CDC40: variants seen among roughly 807,000 people sequenced by gnomAD.
CDC40 encodes the protein pre-mRNA-processing factor 17.
CDC40 carries 27 observed loss-of-function variants against 80.6 expected under a neutral mutation model. The ratio of observed to expected loss-of-function variants is 0.33; its 90% CI spans 0.25 to 0.46. The LOEUF (loss-of-function observed/expected upper bound fraction) is 0.46, where lower values mean the gene tolerates loss of function less well. Ranked by LOEUF, CDC40 falls within the 20% of genes least tolerant of loss-of-function variation. The pLI is 1.00. For synonymous variants in CDC40, 221 were observed against 232.6 expected (o/e 0.95, Z 0.45); for missense variants, 486 against 694.1 (o/e 0.70, Z 3.37).
At chr6:110,202,770 A>G (rs941072987) in intron 3 of CDC40, among the ~76,000 whole-genome samples, 2 of 152,286 alleles carry the variant, frequency 1.3e-5, no homozygotes, top group South Asian at 2.1e-4. Flanking sequence ...AGGTTGAACT[A>G]TTGAGTTAAA....
intron 12 of CDC40, among the ~76,000 whole-genome samples, chr6:110,221,098 T>C (rs965478314): frequency 1.3e-5 from 2 of 152,232 alleles, no homozygotes; most frequent in African/African-American, 4.8e-5. Context: ...TATACTAGTT[T>C]CATTACATAT....
intron 5 of CDC40, 71 bp from the exon 6 acceptor site, chr6:110,210,636 T>C (rs1440040917): frequency 1.5e-6 from 1 of 686,908 alleles, no homozygotes; most frequent in East Asian, 3.5e-5. Flanking sequence ...TTATAAAGAA[T>C]TTATAACCAA....
At chr6:110,217,850 A>G (rs1007505283) in intron 10 of CDC40, 47 bp downstream of exon 10, 2 of 969,390 alleles carry the variant, frequency 2.1e-6, no homozygotes, top group East Asian at 2.4e-5. Flanking sequence ...CAAGTTATTT[A>G]TATTTGAAAT....
intron 2 of CDC40, among the ~76,000 whole-genome samples, chr6:110,197,685 C>T (rs910822795): frequency 7.3e-6 from 1 of 137,680 alleles, no homozygotes; most frequent in Non-Finnish European, 1.5e-5. Context: ...TCATGTGATA[C>T]TTGTCCCAGC....
chr6:110,227,901 T>TA (rs1777887028), intron 13 of CDC40, among the ~76,000 whole-genome samples: 2 of 152,200 alleles, frequency 1.3e-5, no homozygotes, highest in African/African-American at 4.8e-5. Flanking sequence ...TCCCAACAGA[T>TA]ACCAAGGGAT....
chr6:110,187,686 A>G (rs1300963510), intron 1 of CDC40, among the ~76,000 whole-genome samples: 2 of 152,212 alleles, frequency 1.3e-5, no homozygotes, highest in Non-Finnish European at 2.9e-5. Flanking sequence ...TGGTGTTTTT[A>G]TGTCTCTTTT....
Position 110,191,903 on chromosome 6 carries a change from A to G in CDC40, c.190-1279A>G, listed in dbSNP as rs9481043. ...TGTAGATGATATATAATTTCTTTACAATTTTTAAAATAGAACATGAGTGCA... is the reference window on the plus strand; with the variant it reads ...TGTAGATGATATATAATTTCTTTACGATTTTTAAAATAGAACATGAGTGCA... On this transcript the variant is annotated intron_variant, in intron 1 of 14. Coordinates refer to ENST00000307731, the MANE Select transcript of CDC40 (RefSeq NM_015891.3). Among the ~76,000 whole-genome samples the G allele has an allele frequency of 2.2e-3, 334 of 152,326 alleles. 2 individuals carry two copies. Among genetic ancestry groups the G allele is most frequent in the African/African-American group, 7.7e-3 (319 of 41,560 alleles).
chr6:110,201,515 G>T lies in CDC40; in HGVS notation c.277-43G>T, dbSNP rs1449655324. ...ACTTCCATATACTCAGAACTTTTGTGTCTTTCTTATTTTATTTTATTTTTT... is the reference window on the plus strand; with the variant it reads ...ACTTCCATATACTCAGAACTTTTGTTTCTTTCTTATTTTATTTTATTTTTT... On this transcript the variant is annotated intron_variant, in intron 2 of 14. Transcript: ENST00000307731. 9.5e-6 allele frequency: 14 copies of T among 1,474,264 alleles called. No individual in the cohort carries two copies. The Admixed American group carries it at 2.9e-4, about 31-fold the overall frequency. 91.3% of individuals were successfully genotyped at this position (1,474,264 alleles called of 1,614,324 possible).
At chr6:110,227,914 CTATA>C (rs1012994180) in intron 13 of CDC40, among the ~76,000 whole-genome samples, 2 of 152,110 alleles carry the variant, frequency 1.3e-5, no homozygotes, top group African/African-American at 4.8e-5. Flanking sequence ...CAAGGGATGA[CTATA>C]TATAGGATGC....
intron 12 of CDC40, among the ~76,000 whole-genome samples, chr6:110,223,638 C>T (rs1297261821): frequency 6.6e-6 from 1 of 152,122 alleles, no homozygotes; most frequent in African/African-American, 2.4e-5. Context: ...CTGGGGCCTT[C>T]AGACAAGTGG....
intron 4 of CDC40, among the ~76,000 whole-genome samples, chr6:110,208,776 A>T (rs571873550): frequency 6.6e-6 from 1 of 152,312 alleles, no homozygotes; most frequent in South Asian, 2.1e-4. Flanking sequence ...ATTCAATAAA[A>T]GGCTTGTGCG....
chr6:110,228,936 G>A lies in CDC40; in HGVS notation c.1522G>A (p.Ala508Thr). The A allele has an allele frequency of 6.2e-7, 1 of 1,607,802 alleles. No individual in the cohort carries two copies. The highest frequency in any genetic ancestry group is 1.1e-5 in the South Asian group (1 of 89,180). ...KKKIFKGHMV[A>T]GYACQVDFSP... ...AAAAATTTTTAAGGGCCATATGGTA[G>A]CAGGCTATGCTTGTCAGGTGGACTT... The change falls in exon 14 of 15, where the codon GCA becomes ACA. Residue 508 changes from alanine to threonine, a missense_variant. Physicochemically the swap from Ala to Thr is moderately conservative, Grantham distance 58. Transcript: ENST00000307731.
chr6:110,210,862 G>A (rs997068139), intron 6 of CDC40, 59 bp downstream of exon 6: 14 of 823,632 alleles, frequency 1.7e-5, no homozygotes, highest in Admixed American at 6.3e-5. Context: ...TACTCTGTTC[G>A]CTGTTCATAC....
chr6:110,193,171 AT>A lies in CDC40; in HGVS notation c.190-9del. On this transcript the variant is annotated splice_polypyrimidine_tract_variant and intron_variant, in intron 1 of 14. Coordinates refer to ENST00000307731, the MANE Select transcript of CDC40 (RefSeq NM_015891.3). ...ATCAGATCATTAATATTTATTTGGT[AT>A]TCTTTTTAGGAAGATTTGGAGACTG... 1.3e-6 allele frequency: 2 copies of A among 1,534,288 alleles called. No individual in the cohort carries two copies. Among genetic ancestry groups the A allele is most frequent in the Non-Finnish European group, 1.8e-6 (2 of 1,108,162 alleles).
chr6:110,214,355 C>G (rs1302797622), intron 8 of CDC40, among the ~76,000 whole-genome samples: 8 of 152,054 alleles, frequency 5.3e-5, no homozygotes, highest in Admixed American at 5.2e-4. Flanking sequence ...TTAGGATGAT[C>G]ATTTTATTAT....
chr6:110,218,111 T>C (rs930192721), intron 10 of CDC40, among the ~76,000 whole-genome samples: 3 of 152,206 alleles, frequency 2.0e-5, no homozygotes, highest in Non-Finnish European at 4.4e-5. Flanking sequence ...GCACTGTGCA[T>C]TGCACATAAC....
rs1777944239 is a variant in CDC40, at chr6:110,231,958, T to TGAAG, written c.*1829_*1832dup. The TGAAG allele has an allele frequency of 6.8e-6, 1 of 146,324 alleles. No individual in the cohort carries two copies. Among genetic ancestry groups the TGAAG allele is most frequent in the Non-Finnish European group, 1.5e-5 (1 of 66,942 alleles). The allele number at this position is 146,324 out of a possible 1,614,324, so 9.1% of individuals were successfully genotyped here. On this transcript the variant is annotated 3_prime_UTR_variant, in exon 15 of 15. Transcript: ENST00000307731. ...ACTGCCCAGAAGGGTGACAGATTTC[T>TGAAG]GAAGGGGAAAGGATTCAGATATGAC...
chr6:110,219,661 C>T, intron 11 of CDC40, 75 bp from the exon 12 acceptor site: 1 of 1,502,068 alleles, frequency 6.7e-7, no homozygotes, highest in South Asian at 1.2e-5. Context: ...TTCTCCTTCT[C>T]CACTTTCCAG....
At chr6:110,194,263 C>T (rs910863162) in intron 2 of CDC40, among the ~76,000 whole-genome samples, 4 of 152,064 alleles carry the variant, frequency 2.6e-5, no homozygotes, top group Non-Finnish European at 5.9e-5. Context: ...AATACAGCTT[C>T]GGTTGATATC....
Sources: allele counts gnomAD v4.1 joint callset (sites outside exome capture counted in the v4.1 genomes callset), GRCh38; gene constraint gnomAD v4.1.1; transcripts MANE v1.5; gene names NCBI Gene and HGNC (gene_info 2026-07-23, HGNC 2026-07-21).